GRIK2: variants seen among roughly 807,000 people sequenced by gnomAD.
GRIK2 encodes the protein glutamate ionotropic receptor kainate type subunit 2, also known as glutamate receptor ionotropic, kainate 2.
In GRIK2, 32 loss-of-function variants were observed where a neutral mutation model predicts 100.3. The ratio of observed to expected loss-of-function variants is 0.32; its 90% CI spans 0.24 to 0.43. GRIK2 has a LOEUF of 0.43. Among genes scored for constraint, GRIK2 ranks in the 20% least tolerant of loss-of-function variants. The pLI is 1.00. For missense variants in GRIK2, 843 were observed against 1,114.9 expected (o/e 0.76, Z 3.47); for synonymous variants, 417 against 389.4 (o/e 1.07, Z -0.83).
chr6:101,597,507 T>G (rs891266190), intron 2 of GRIK2, among the ~76,000 whole-genome samples: 3 of 151,826 alleles, frequency 2.0e-5, no homozygotes, highest in African/African-American at 7.2e-5. Context: ...TCTTTAGTAG[T>G]TAATACTGAA....
At chr6:101,630,507 T>C (rs949788445) in intron 4 of GRIK2, among the ~76,000 whole-genome samples, 3 of 152,176 alleles carry the variant, frequency 2.0e-5, no homozygotes, top group Admixed American at 2.0e-4. Context: ...TGCATGTACA[T>C]CTTCTTTTGA....
intron 7 of GRIK2, among the ~76,000 whole-genome samples, chr6:101,739,741 T>C (rs564107957): frequency 1.3e-5 from 2 of 152,278 alleles, no homozygotes; most frequent in African/African-American, 4.8e-5. Context: ...TGATGTTTCT[T>C]CTCCTCTAAC....
chr6:101,831,072 A>G (rs752380759), intron 10 of GRIK2, among the ~76,000 whole-genome samples: 1 of 152,140 alleles, frequency 6.6e-6, no homozygotes. Flanking sequence ...ATCACTTAGC[A>G]TATCCATGTA....
At chr6:101,658,886 T>G (rs183288252) in intron 4 of GRIK2, among the ~76,000 whole-genome samples, 1 of 152,354 alleles carries the variant, frequency 6.6e-6, no homozygotes, top group African/African-American at 2.4e-5. Context: ...TGCTTTTTCC[T>G]GCAAATTTGT....
chr6:101,398,660 T>C (rs78416797), intron 1 of GRIK2: 1 of 187,094 alleles, frequency 5.3e-6, no homozygotes, highest in Non-Finnish European at 1.1e-5. Flanking sequence ...TCTCAGCAAA[T>C]ACTCATGGAA....
intron 16 of GRIK2, among the ~76,000 whole-genome samples, chr6:102,066,101 T>G (rs1229769324): frequency 6.6e-6 from 1 of 151,506 alleles, no homozygotes; most frequent in Admixed American, 6.6e-5. Context: ...TCACATTTAA[T>G]CATCACCCAT....
At chr6:101,922,406 A>G (rs747592536) in intron 12 of GRIK2, among the ~76,000 whole-genome samples, 1 of 152,124 alleles carries the variant, frequency 6.6e-6, no homozygotes, top group Non-Finnish European at 1.5e-5. Flanking sequence ...CTATGTTTCT[A>G]GGAGTTGTCA....
At position 101,467,365 on chromosome 6, in the gene GRIK2, G is replaced by A. The variant is rs563943221; in HGVS notation, c.115+67973G>A. 3.3e-5 allele frequency among the ~76,000 whole-genome samples: 5 copies of A among 152,212 alleles called. No homozygotes were observed. In the South Asian group the frequency reaches 1.0e-3, roughly 32 times the overall value. On this transcript the variant is annotated intron_variant, in intron 2 of 16. Coordinates refer to ENST00000369134, the MANE Select transcript of GRIK2 (RefSeq NM_021956.5). ...TTTAGTCAAGTCTGTAAAACTGCCAGATGCTAAAGTAACATAGATAAGCCA... is the reference window on the plus strand; with the variant it reads ...TTTAGTCAAGTCTGTAAAACTGCCAAATGCTAAAGTAACATAGATAAGCCA...
At chr6:101,916,631 C>T (rs1789123545) in intron 12 of GRIK2, among the ~76,000 whole-genome samples, 1 of 151,600 alleles carries the variant, frequency 6.6e-6, no homozygotes, top group Admixed American at 6.6e-5. Flanking sequence ...CACAGGCGAT[C>T]TCCATTACAG....
chr6:101,526,124 A>G (rs1313007046), intron 2 of GRIK2, among the ~76,000 whole-genome samples: 1 of 152,196 alleles, frequency 6.6e-6, no homozygotes, highest in Non-Finnish European at 1.5e-5. Flanking sequence ...GTCCGACCTC[A>G]GTGCAGATGG....
At chr6:101,814,462 C>T (rs1356882719) in intron 9 of GRIK2, among the ~76,000 whole-genome samples, 2 of 151,942 alleles carry the variant, frequency 1.3e-5, no homozygotes, top group South Asian at 2.1e-4. Flanking sequence ...TTATTTTTAT[C>T]AATAACACCA....
intron 14 of GRIK2, among the ~76,000 whole-genome samples, chr6:102,016,875 A>G (rs182936835): frequency 1.4e-4 from 22 of 152,262 alleles, no homozygotes; most frequent in Admixed American, 1.4e-3. Context: ...GCAGCTATAG[A>G]GAAAGGACAG....
Position 101,609,565 on chromosome 6 carries a change from A to T in GRIK2, c.116-12384A>T, listed in dbSNP as rs141869225. On this transcript the variant is annotated intron_variant, in intron 2 of 16. Coordinates refer to ENST00000369134, the MANE Select transcript of GRIK2 (RefSeq NM_021956.5). ...GCAAAAGGAAAATAATGGCCATTTG[A>T]TCAATTTCTACAACATTTTAATATG... 4.1e-3 allele frequency among the ~76,000 whole-genome samples: 617 copies of T among 151,958 alleles called. 4 individuals are homozygous for T. The highest frequency in any genetic ancestry group is 6.6e-3 in the Non-Finnish European group (445 of 67,882).
intron 12 of GRIK2, among the ~76,000 whole-genome samples, chr6:101,922,126 T>C (rs1562488822): frequency 0.017 from 331 of 19,764 alleles, 10 homozygotes; most frequent in African/African-American, 0.055. Flanking sequence ...CTTCCTTCCT[T>C]CCTTCCTTCC....
intron 14 of GRIK2, among the ~76,000 whole-genome samples, chr6:101,967,037 T>C (rs1341105916): frequency 6.6e-6 from 1 of 152,016 alleles, no homozygotes; most frequent in Non-Finnish European, 1.5e-5. Context: ...GCTGACAAAC[T>C]ATAAAACAAA....
chr6:102,022,204 T>A (rs903132295), intron 14 of GRIK2, among the ~76,000 whole-genome samples: 1 of 151,056 alleles, frequency 6.6e-6, no homozygotes, highest in African/African-American at 2.4e-5. Flanking sequence ...AAGTAACTTA[T>A]ATACATATAA....
At chr6:101,727,768 G>C (rs1206934917) in intron 7 of GRIK2, among the ~76,000 whole-genome samples, 2 of 151,804 alleles carry the variant, frequency 1.3e-5, no homozygotes, top group South Asian at 2.1e-4. Context: ...AGAAGTTAAG[G>C]GGAAAATGGC....
intron 9 of GRIK2, among the ~76,000 whole-genome samples, chr6:101,812,802 C>T (rs1445885442): frequency 6.6e-6 from 1 of 151,870 alleles, no homozygotes; most frequent in African/African-American, 2.4e-5. Flanking sequence ...TATTTTGAAA[C>T]AGTAATTAAG....
rs1425140241 is a variant in GRIK2 at position 101,706,029 on chromosome 6, T to G, written c.951+19676T>G. Among the ~76,000 whole-genome samples the G allele has an allele frequency of 2.0e-5, 3 of 151,882 alleles. No individual in the cohort carries two copies. The East Asian group carries it at 5.8e-4, about 29-fold the overall frequency. On this transcript the variant is annotated intron_variant, in intron 7 of 16. Coordinates refer to ENST00000369134, the MANE Select transcript of GRIK2 (RefSeq NM_021956.5). ...TGGACAGAATATGCTTCTGTGATCTTTAGCAGCTCTGTATTGCCCCATAAA... is the reference window on the plus strand; with the variant it reads ...TGGACAGAATATGCTTCTGTGATCTGTAGCAGCTCTGTATTGCCCCATAAA...
Sources: gnomAD v4.1 joint callset for allele counts (sites outside exome capture counted in the v4.1 genomes callset) on GRCh38, gnomAD v4.1.1 for gene constraint, MANE v1.5 for transcripts, NCBI Gene and HGNC (gene_info 2026-07-23, HGNC 2026-07-21) for gene names.